Variants in CA10 observed in about 807,000 individuals in gnomAD.
The protein encoded by CA10 is carbonic anhydrase 10 (inactive).
A neutral mutation model predicts 44.2 loss-of-function variants in CA10; 14 were observed. That is an observed-to-expected ratio of 0.32 (90% CI 0.21 to 0.50). The LOEUF is 0.50. Ranked by LOEUF, CA10 falls within the 20% of genes least tolerant of loss-of-function variation. The pLI, the probability that CA10 is intolerant of heterozygous loss-of-function variation, is 0.99. For synonymous variants in CA10, 159 were observed against 141.6 expected (o/e 1.12, Z -0.87); for missense variants, 350 against 409.7 (o/e 0.85, Z 1.26).
chr17:51,719,357 G>T (rs1409526615), intron 4 of CA10, among the ~76,000 whole-genome samples: 2 of 152,128 alleles, frequency 1.3e-5, no homozygotes, highest in Non-Finnish European at 2.9e-5. Flanking sequence ...CCTGAGGTTC[G>T]CTTGTTGCTG....
At chr17:51,904,600 CA>C (rs1269929333) in intron 3 of CA10, among the ~76,000 whole-genome samples, 5 of 151,996 alleles carry the variant, frequency 3.3e-5, no homozygotes, top group Admixed American at 2.0e-4. Flanking sequence ...ATAAAAAGGA[CA>C]AAAAACTCAC....
At chr17:51,821,062 TCTCTC>T (rs1907771645) in intron 3 of CA10, among the ~76,000 whole-genome samples, 2 of 63,438 alleles carry the variant, frequency 3.2e-5, no homozygotes, top group Admixed American at 2.1e-4. Flanking sequence ...CCTCCCTCCC[TCTCTC>T]CCTTCCTTCC....
intron 3 of CA10, among the ~76,000 whole-genome samples, chr17:51,920,127 A>T (rs908891237): frequency 6.6e-6 from 1 of 152,226 alleles, no homozygotes; most frequent in Non-Finnish European, 1.5e-5. Context: ...AATAAAAATT[A>T]TACTCAGTTC....
At chr17:51,961,636 A>G (rs1983896472) in intron 2 of CA10, among the ~76,000 whole-genome samples, 1 of 152,198 alleles carries the variant, frequency 6.6e-6, no homozygotes, top group African/African-American at 2.4e-5. Context: ...CAGACCTCAC[A>G]GGCATTAAAA....
chr17:51,768,165 GCTT>G (rs1413653137), intron 3 of CA10, among the ~76,000 whole-genome samples: 1 of 136,202 alleles, frequency 7.3e-6, no homozygotes, highest in Non-Finnish European at 1.6e-5. Flanking sequence ...ATAAAGATGT[GCTT>G]TTTTTTTTTT....
At chr17:51,675,548 CAAAAA>C (rs34639980) in intron 4 of CA10, among the ~76,000 whole-genome samples, 1 of 117,952 alleles carries the variant, frequency 8.5e-6, no homozygotes, top group African/African-American at 3.4e-5. Flanking sequence ...GACTCCATCT[CAAAAA>C]AAAAAAAAAA....
chr17:51,745,176 G>T (rs1904632986), intron 4 of CA10, among the ~76,000 whole-genome samples: 2 of 152,106 alleles, frequency 1.3e-5, no homozygotes, highest in African/African-American at 4.8e-5. Flanking sequence ...CTTTTTAGCA[G>T]TGTGATTTTG....
chr17:51,758,657 G>A (rs1035000757), intron 3 of CA10, among the ~76,000 whole-genome samples: 22 of 151,992 alleles, frequency 1.4e-4, no homozygotes, highest in Non-Finnish European at 2.9e-4. Flanking sequence ...TAGGTTTCCG[G>A]GGGGTGAGTC....
intron 2 of CA10, among the ~76,000 whole-genome samples, chr17:51,992,070 T>G (rs911139576): frequency 1.3e-5 from 2 of 152,056 alleles, no homozygotes. Context: ...TTGACATTCG[T>G]TATATTATTT....
At chr17:51,971,099 G>A (rs775126748) in intron 2 of CA10, among the ~76,000 whole-genome samples, 5 of 151,956 alleles carry the variant, frequency 3.3e-5, no homozygotes, top group Non-Finnish European at 7.4e-5. Context: ...GACTTGAATG[G>A]AATATTTCCA....
intron 2 of CA10, among the ~76,000 whole-genome samples, chr17:52,026,967 A>G (rs1001216450): frequency 1.3e-5 from 2 of 152,148 alleles, no homozygotes; most frequent in Non-Finnish European, 2.9e-5. Context: ...CAAGTGCATC[A>G]CATTTATTGT....
intron 3 of CA10, among the ~76,000 whole-genome samples, chr17:51,814,714 T>C (rs888243592): frequency 1.3e-5 from 2 of 152,202 alleles, no homozygotes; most frequent in East Asian, 3.8e-4. Context: ...AACCAGTTCT[T>C]CTGTTTCTGA....
intron 3 of CA10, among the ~76,000 whole-genome samples, chr17:51,876,345 C>CTTT (rs767472733): frequency 2.4e-5 from 3 of 123,684 alleles, no homozygotes; most frequent in African/African-American, 9.2e-5. Context: ...TTTTTTTCAT[C>CTTT]TTTTTTTTTT....
At chr17:51,867,351 C>T (rs1222591017) in intron 3 of CA10, among the ~76,000 whole-genome samples, 3 of 152,218 alleles carry the variant, frequency 2.0e-5, no homozygotes, top group South Asian at 2.1e-4. Context: ...TGGAAATAAC[C>T]TAAGTATTGA....
At chr17:51,924,098 A>C (rs914027169) in intron 3 of CA10, among the ~76,000 whole-genome samples, 1 of 152,196 alleles carries the variant, frequency 6.6e-6, no homozygotes, top group African/African-American at 2.4e-5. Flanking sequence ...AAGGTGCTTA[A>C]GAAGCCAAAT....
intron 2 of CA10, among the ~76,000 whole-genome samples, chr17:52,051,423 C>T (rs1034573563): frequency 1.3e-5 from 2 of 150,950 alleles, no homozygotes; most frequent in Non-Finnish European, 3.0e-5. Flanking sequence ...TAATATCCAG[C>T]ATTTATAGAT....
chr17:51,894,972 A>G (rs963043172), intron 3 of CA10, among the ~76,000 whole-genome samples: 2 of 152,096 alleles, frequency 1.3e-5, no homozygotes, highest in Admixed American at 6.6e-5. Context: ...GCAAAATTGT[A>G]AAAAAATTGG....
chr17:51,890,585 C>T (rs995262591), intron 3 of CA10, among the ~76,000 whole-genome samples: 1 of 152,040 alleles, frequency 6.6e-6, no homozygotes, highest in Non-Finnish European at 1.5e-5. Flanking sequence ...TACCACACAT[C>T]TCTTTGAGAA....
chr17:51,920,099 A>T (rs570077772), intron 3 of CA10, among the ~76,000 whole-genome samples: 3 of 152,330 alleles, frequency 2.0e-5, no homozygotes, highest in Non-Finnish European at 4.4e-5. Flanking sequence ...ATCTCAAGCT[A>T]GTCCTTCTAT....
Sources: allele counts gnomAD v4.1 joint callset (sites outside exome capture counted in the v4.1 genomes callset), GRCh38; gene constraint gnomAD v4.1.1; transcripts MANE v1.5; gene names NCBI Gene and HGNC (gene_info 2026-07-23, HGNC 2026-07-21).